Variants in CNTNAP2 observed in about 807,000 individuals in gnomAD.
The protein encoded by CNTNAP2 is contactin associated protein 2.
A neutral mutation model predicts 155.2 loss-of-function variants in CNTNAP2; 98 were observed. The ratio of observed to expected loss-of-function variants is 0.63; its 90% CI spans 0.54 to 0.75. The LOEUF (loss-of-function observed/expected upper bound fraction) is 0.75, where lower values mean the gene tolerates loss of function less well. Among genes scored for constraint, CNTNAP2 ranks in the 30% least tolerant of loss-of-function variants. CNTNAP2 has a pLI of 0.00. For synonymous variants in CNTNAP2, 651 were observed against 631.2 expected (o/e 1.03, Z -0.47); for missense variants, 1,727 against 1,688.1 (o/e 1.02, Z -0.40).
At chr7:146,349,253 C>T (rs1467849207) in intron 1 of CNTNAP2, among the ~76,000 whole-genome samples, 2 of 144,516 alleles carry the variant, frequency 1.4e-5, no homozygotes, top group Non-Finnish European at 2.9e-5. Flanking sequence ...GGGTGGGGAA[C>T]GAGGTCATAC....
chr7:146,514,106 A>T (rs563860252), intron 1 of CNTNAP2, among the ~76,000 whole-genome samples: 1 of 152,042 alleles, frequency 6.6e-6, no homozygotes, highest in South Asian at 2.1e-4. Flanking sequence ...TTTCAGATTG[A>T]TCAGAGCTCC....
intron 1 of CNTNAP2, among the ~76,000 whole-genome samples, chr7:146,576,092 C>T (rs1278893532): frequency 6.6e-6 from 1 of 152,166 alleles, no homozygotes; most frequent in African/African-American, 2.4e-5. Flanking sequence ...CAGTGAAGAA[C>T]TGTATACTGT....
At chr7:146,556,449 T>A (rs951328599) in intron 1 of CNTNAP2, among the ~76,000 whole-genome samples, 1 of 152,188 alleles carries the variant, frequency 6.6e-6, no homozygotes, top group Non-Finnish European at 1.5e-5. Context: ...ACATAACGCA[T>A]GTAAATCATG....
chr7:146,894,967 A>G (rs1177482820), intron 3 of CNTNAP2, among the ~76,000 whole-genome samples: 3 of 152,140 alleles, frequency 2.0e-5, no homozygotes, highest in Admixed American at 2.0e-4. Context: ...TTAGGTTACT[A>G]CATTCTCCCA....
At chr7:148,355,751 T>G (rs368920113) in intron 21 of CNTNAP2, among the ~76,000 whole-genome samples, 41 of 152,188 alleles carry the variant, frequency 2.7e-4, no homozygotes, top group African/African-American at 9.2e-4. Context: ...GAGAAAAATT[T>G]TACTTTGAAA....
Position 148,319,563 on chromosome 7 carries a change from T to C in CNTNAP2, c.3475+52437T>C, listed in dbSNP as rs1478243961. ...CAGGAGGTGAATGGCAGACACGCAA[T>C]TGAAGCTTCATATGTGTTTACAACT... On this transcript the variant is annotated intron_variant, in intron 21 of 23. Transcript: ENST00000361727. Among the ~76,000 whole-genome samples, 6 of 151,992 alleles carry C rather than the reference T, an allele frequency of 3.9e-5. 1 individual carries two copies. In the South Asian group the frequency reaches 1.2e-3, roughly 32 times the overall value.
intron 11 of CNTNAP2, among the ~76,000 whole-genome samples, chr7:147,558,724 CCTTCCTTCCTTCCTTCCTTT>C (rs1255257953): frequency 1.6e-4 from 7 of 44,876 alleles, no homozygotes; most frequent in Non-Finnish European, 2.6e-4. Flanking sequence ...TTCCTTCCTT[CCTTCCTTCCTTCCTTCCTTT>C]CTTCCTTCCT....
At chr7:147,558,178 C>G (rs1799987519) in intron 11 of CNTNAP2, among the ~76,000 whole-genome samples, 1 of 152,104 alleles carries the variant, frequency 6.6e-6, no homozygotes, top group African/African-American at 2.4e-5. Flanking sequence ...AATAACACCT[C>G]TTACTATTTT....
chr7:147,430,119 A>T (rs1399513736), intron 10 of CNTNAP2, among the ~76,000 whole-genome samples: 2 of 152,136 alleles, frequency 1.3e-5, no homozygotes, highest in Non-Finnish European at 2.9e-5. Context: ...CAGGAAATAG[A>T]TATTTGGTGT....
At chr7:147,816,476 G>A (rs534716745) in intron 13 of CNTNAP2, among the ~76,000 whole-genome samples, 1 of 152,136 alleles carries the variant, frequency 6.6e-6, no homozygotes, top group Admixed American at 6.5e-5. Context: ...GGAAATGTAG[G>A]GTAAAAAAGA....
chr7:148,001,307 G>A (rs558647890), intron 15 of CNTNAP2, among the ~76,000 whole-genome samples: 4 of 152,224 alleles, frequency 2.6e-5, no homozygotes, highest in Non-Finnish European at 2.9e-5. Flanking sequence ...CTAGCCTTCA[G>A]CCTGGCTCTC....
At chr7:148,065,803 A>C (rs1419595453) in intron 15 of CNTNAP2, among the ~76,000 whole-genome samples, 1 of 152,164 alleles carries the variant, frequency 6.6e-6, no homozygotes, top group Non-Finnish European at 1.5e-5. Flanking sequence ...TTGAGACATG[A>C]GGTACTCTTC....
intron 13 of CNTNAP2, among the ~76,000 whole-genome samples, chr7:147,706,621 A>G (rs1351114501): frequency 6.6e-6 from 1 of 152,066 alleles, no homozygotes; most frequent in Non-Finnish European, 1.5e-5. Flanking sequence ...GCCTTTAGGA[A>G]TTGTATTTGT....
chr7:146,790,585 T>TG (rs1554481256), intron 2 of CNTNAP2, among the ~76,000 whole-genome samples: 3,044 of 151,088 alleles, frequency 0.02, 93 homozygotes, highest in African/African-American at 0.072. Flanking sequence ...TTTTTTTTTT[T>TG]GTAAGACGGA....
intron 9 of CNTNAP2, among the ~76,000 whole-genome samples, chr7:147,346,357 TG>T: frequency 6.6e-6 from 1 of 150,986 alleles, no homozygotes; most frequent in East Asian, 2.0e-4. Flanking sequence ...GGTTTCACCT[TG>T]TTAGCCAGGA....
chr7:148,279,181 G>T (rs1245251233), intron 21 of CNTNAP2, among the ~76,000 whole-genome samples: 1 of 152,208 alleles, frequency 6.6e-6, no homozygotes, highest in African/African-American at 2.4e-5. Context: ...TATTAGAAAG[G>T]TCATTCCAGC....
rs573723052 is a variant in CNTNAP2, at chr7:146,129,159, G to A, written c.97+12186G>A. 2.0e-3 allele frequency among the ~76,000 whole-genome samples: 297 copies of A among 152,096 alleles called. 1 individual carries two copies. Among genetic ancestry groups the A allele is most frequent in the Middle Eastern group, 0.01 (3 of 292 alleles). On this transcript the variant is annotated intron_variant, in intron 1 of 23. Coordinates refer to ENST00000361727, the MANE Select transcript of CNTNAP2 (RefSeq NM_014141.6). ...ATATGCAATAATCTGAGGCATTTTC[G>A]TTTTACAGAGCATATAATCACCCAC...
At chr7:146,926,803 T>A (rs13437702) in intron 3 of CNTNAP2, among the ~76,000 whole-genome samples, 3 of 152,120 alleles carry the variant, frequency 2.0e-5, no homozygotes, top group African/African-American at 7.2e-5. Flanking sequence ...GTAGTTTATC[T>A]GTATACAATC....
At chr7:147,831,782 G>T (rs1053836488) in intron 13 of CNTNAP2, 1 of 152,132 alleles carries the variant, frequency 6.6e-6, no homozygotes, top group Non-Finnish European at 1.5e-5. Flanking sequence ...GCTTGCTTTG[G>T]CAGCACATAT....
Sources: gnomAD v4.1 joint callset for allele counts (sites outside exome capture counted in the v4.1 genomes callset) on GRCh38, gnomAD v4.1.1 for gene constraint, MANE v1.5 for transcripts, NCBI Gene and HGNC (gene_info 2026-07-23, HGNC 2026-07-21) for gene names.